Variants in CUL3 observed in about 807,000 individuals in gnomAD.
The protein encoded by CUL3 is cullin-3.
In CUL3, 19 loss-of-function variants were observed where a neutral mutation model predicts 89.1. The ratio of observed to expected loss-of-function variants is 0.21; its 90% confidence interval spans 0.15 to 0.31. The LOEUF (loss-of-function observed/expected upper bound fraction) is 0.31, where lower values mean the gene tolerates loss of function less well. Among genes scored for constraint, CUL3 ranks in the 10% least tolerant of loss-of-function variants. The pLI is 1.00. For synonymous variants in CUL3, 351 were observed against 308.4 expected (o/e 1.14, Z -1.45); for missense variants, 469 against 942.3 (o/e 0.50, Z 6.58).
intron 1 of CUL3, among the ~76,000 whole-genome samples, chr2:224,568,493 A>G (rs1695101449): frequency 6.6e-6 from 1 of 152,252 alleles, no homozygotes; most frequent in East Asian, 1.9e-4. Context: ...TTGACAACAC[A>G]AACTTTTTAC....
At position 224,509,640 on chromosome 2, in the gene CUL3, G is replaced by A. The variant is rs572910157; in HGVS notation, c.883+1714C>T. ...TTATGGTATTCCTTCATTCACGTAA[G>A]TGCTCGCCATGATAGGCATACCTGA... On this transcript the variant is annotated intron_variant, in intron 6 of 15. Coordinates refer to ENST00000264414, the MANE Select transcript of CUL3 (RefSeq NM_003590.5). Among the ~76,000 whole-genome samples, 7 of 152,366 alleles carry A rather than the reference G, an allele frequency of 4.6e-5. No homozygotes were observed. In the South Asian group the frequency reaches 1.4e-3, roughly 32 times the overall value.
chr2:224,486,636 G>C (rs543993433), intron 13 of CUL3, among the ~76,000 whole-genome samples: 1 of 152,130 alleles, frequency 6.6e-6, no homozygotes, highest in Non-Finnish European at 1.5e-5. Flanking sequence ...CCAAACCTAC[G>C]TTTGACTGGT....
chr2:224,525,773 A>G (rs1413188297), intron 3 of CUL3, among the ~76,000 whole-genome samples: 2 of 152,240 alleles, frequency 1.3e-5, no homozygotes, highest in African/African-American at 4.8e-5. Context: ...GAGTTCCTAA[A>G]GAAACTGTGA....
At chr2:224,484,448 G>A (rs1049812793) in intron 13 of CUL3, among the ~76,000 whole-genome samples, 3 of 151,816 alleles carry the variant, frequency 2.0e-5, no homozygotes, top group African/African-American at 4.8e-5. Flanking sequence ...ATACTCAATT[G>A]TTTGCCTTCA....
chr2:224,525,948 T>A (rs1216422924), intron 3 of CUL3, among the ~76,000 whole-genome samples: 1 of 152,212 alleles, frequency 6.6e-6, no homozygotes, highest in Non-Finnish European at 1.5e-5. Context: ...CATAGATAGG[T>A]TTCAGGCACC....
At chr2:224,479,349 T>C (rs1028180694) in intron 14 of CUL3, 1 of 150,166 alleles carries the variant, frequency 6.7e-6, no homozygotes, top group Non-Finnish European at 1.5e-5. Context: ...ATAATCAATA[T>C]CTTAGTAAAA....
intron 13 of CUL3, among the ~76,000 whole-genome samples, chr2:224,482,423 TATAA>T (rs1212470754): frequency 6.6e-6 from 1 of 152,158 alleles, no homozygotes; most frequent in African/African-American, 2.4e-5. Flanking sequence ...TTGCTAATTT[TATAA>T]ATATTTTACA....
chr2:224,500,843 C>T (rs1224037715), intron 10 of CUL3, among the ~76,000 whole-genome samples: 15 of 151,876 alleles, frequency 9.9e-5, no homozygotes, highest in Non-Finnish European at 1.9e-4. Flanking sequence ...AGGCTGGTCT[C>T]GAACTCCTGA....
intron 12 of CUL3, among the ~76,000 whole-genome samples, chr2:224,497,375 G>A (rs1366178113): frequency 1.3e-5 from 2 of 151,890 alleles, no homozygotes; most frequent in African/African-American, 4.8e-5. Context: ...TCCCAATCTT[G>A]ATTTATTAGA....
At chr2:224,577,827 G>C (rs1213300873) in intron 1 of CUL3, among the ~76,000 whole-genome samples, 1 of 152,128 alleles carries the variant, frequency 6.6e-6, no homozygotes, top group East Asian at 1.9e-4. Flanking sequence ...ACATTATGCT[G>C]GGTAAGATAC....
At chr2:224,481,827 T>C (rs1691548751) in intron 14 of CUL3, 65 bp downstream of exon 14, 2 of 1,142,770 alleles carry the variant, frequency 1.8e-6, no homozygotes, top group Non-Finnish European at 2.4e-6. Context: ...ATCCAATAGA[T>C]GAGATTTTTT....
At chr2:224,544,012 A>G (rs1694209108) in intron 2 of CUL3, among the ~76,000 whole-genome samples, 1 of 151,960 alleles carries the variant, frequency 6.6e-6, no homozygotes, top group Non-Finnish European at 1.5e-5. Flanking sequence ...AAAAAGTTTC[A>G]GATTTTGGAT....
rs747521839 is a variant in CUL3, at chr2:224,474,203, G to A, written c.*42C>T. On this transcript the variant is annotated 3_prime_UTR_variant, in exon 16 of 16. Transcript: ENST00000264414. ...TTTAAAAGAACTTCCCAGTCCATGC[G>A]AAGAGTACAGTCCAAGAATAAATCA... The A allele has an allele frequency of 1.9e-6, 3 of 1,581,026 alleles. No homozygotes were observed. The highest frequency in any genetic ancestry group is 2.6e-6 in the Non-Finnish European group (3 of 1,163,764).
At chr2:224,518,411 A>G (rs2106231791) in intron 3 of CUL3, among the ~76,000 whole-genome samples, 1 of 152,304 alleles carries the variant, frequency 6.6e-6, no homozygotes, top group South Asian at 2.1e-4. Context: ...TTTGTCTATT[A>G]CAAATAAGGT....
chr2:224,486,048 A>C (rs960201247), intron 13 of CUL3, among the ~76,000 whole-genome samples: 1 of 152,292 alleles, frequency 6.6e-6, no homozygotes, highest in Non-Finnish European at 1.5e-5. Context: ...ACTAACAAAC[A>C]GAAAGCAATA....
chr2:224,488,709 C>T (rs1481032830), intron 13 of CUL3, among the ~76,000 whole-genome samples: 1 of 152,170 alleles, frequency 6.6e-6, no homozygotes, highest in Non-Finnish European at 1.5e-5. Flanking sequence ...ACCATTCCTT[C>T]TGAAACTATT....
At chr2:224,566,080 A>G (rs1695034503) in intron 1 of CUL3, among the ~76,000 whole-genome samples, 1 of 152,068 alleles carries the variant, frequency 6.6e-6, no homozygotes, top group African/African-American at 2.4e-5. Context: ...CACCTTCCCC[A>G]TCTACAGGCT....
intron 2 of CUL3, among the ~76,000 whole-genome samples, chr2:224,536,709 C>A (rs763681994): frequency 6.6e-6 from 1 of 152,124 alleles, no homozygotes; most frequent in Non-Finnish European, 1.5e-5. Context: ...AAAGACTATT[C>A]AAGACTTCAA....
At chr2:224,569,719 AACT>A (rs1695136226) in intron 1 of CUL3, 1 of 1,220,452 alleles carries the variant, frequency 8.2e-7, no homozygotes, top group Non-Finnish European at 1.0e-6. Context: ...TTACTGAGAG[AACT>A]ACATCATGAG....
Sources: allele counts gnomAD v4.1 joint callset (sites outside exome capture counted in the v4.1 genomes callset), GRCh38; gene constraint gnomAD v4.1.1; transcripts MANE v1.5; gene names NCBI Gene and HGNC (gene_info 2026-07-23, HGNC 2026-07-21).